GRIN2B: variants seen among roughly 807,000 people sequenced by gnomAD.
GRIN2B encodes glutamate receptor ionotropic, NMDA 2B.
A neutral mutation model predicts 114.5 loss-of-function variants in GRIN2B; 5 were observed. That is an observed-to-expected ratio of 0.04 (90% CI 0.02 to 0.09). GRIN2B has a LOEUF of 0.09. GRIN2B is among the 10% of genes least tolerant of loss of function. The pLI, the probability that GRIN2B is intolerant of heterozygous loss-of-function variation, is 1.00. For synonymous variants in GRIN2B, 787 were observed against 745.1 expected (o/e 1.06, Z -0.92); for missense variants, 1,108 against 1,943.5 (o/e 0.57, Z 8.08).
At chr12:13,972,800 G>C (rs1421106) in intron 2 of GRIN2B, among the ~76,000 whole-genome samples, 1 of 152,112 alleles carries the variant, frequency 6.6e-6, no homozygotes, top group Non-Finnish European at 1.5e-5. Flanking sequence ...GCCACACACA[G>C]AGACCACATG....
chr12:13,834,061 C>T (rs1273123950), intron 3 of GRIN2B, among the ~76,000 whole-genome samples: 5 of 121,760 alleles, frequency 4.1e-5, no homozygotes, highest in South Asian at 2.7e-4. Flanking sequence ...GACGGAGTCT[C>T]GCACTGTCTC....
chr12:13,628,665 A>G (rs926908572), intron 5 of GRIN2B, among the ~76,000 whole-genome samples: 1 of 152,224 alleles, frequency 6.6e-6, no homozygotes, highest in Non-Finnish European at 1.5e-5. Context: ...ACATCATCAG[A>G]TGAGACTGCA....
chr12:13,574,907 G>A (rs1317072376), intron 10 of GRIN2B, among the ~76,000 whole-genome samples: 2 of 152,194 alleles, frequency 1.3e-5, no homozygotes, highest in Non-Finnish European at 2.9e-5. Context: ...ACAGGATAGA[G>A]TGCCCACTAA....
intron 2 of GRIN2B, among the ~76,000 whole-genome samples, chr12:13,883,492 A>G (rs1866100201): frequency 6.6e-6 from 1 of 150,840 alleles, no homozygotes; most frequent in African/African-American, 2.4e-5. Context: ...AATTTCATTC[A>G]TTTTACTTGG....
At chr12:13,758,528 A>G (rs1341116722) in intron 3 of GRIN2B, among the ~76,000 whole-genome samples, 1 of 152,236 alleles carries the variant, frequency 6.6e-6, no homozygotes, top group African/African-American at 2.4e-5. Flanking sequence ...AATATAAGAA[A>G]TGCATTTGCA....
intron 2 of GRIN2B, among the ~76,000 whole-genome samples, chr12:13,881,007 TGTGTGTGC>T (rs1229620882): frequency 1.9e-3 from 285 of 149,536 alleles, no homozygotes; most frequent in African/African-American, 6.5e-3. Context: ...TGTGTGTGTG[TGTGTGTGC>T]GCGTGCGCGC....
chr12:13,920,987 C>G (rs909112090), intron 2 of GRIN2B, among the ~76,000 whole-genome samples: 2 of 152,136 alleles, frequency 1.3e-5, no homozygotes, highest in African/African-American at 4.8e-5. Context: ...ATGTAAAACC[C>G]TAACAAAGCA....
At chr12:13,629,686 T>TTTCCTCTCTCTC (rs1949601273) in intron 5 of GRIN2B, among the ~76,000 whole-genome samples, 1 of 152,178 alleles carries the variant, frequency 6.6e-6, no homozygotes, top group African/African-American at 2.4e-5. Flanking sequence ...CCCTCTCTCT[T>TTTCCTCTCTCTC]TTCCTCTCTC....
intron 3 of GRIN2B, among the ~76,000 whole-genome samples, chr12:13,776,328 A>ATCC (rs1445224550): frequency 6.6e-6 from 1 of 152,168 alleles, no homozygotes; most frequent in African/African-American, 2.4e-5. Flanking sequence ...GCTGGGCTTA[A>ATCC]TCCCTAGGTG....
chr12:13,883,234 T>C (rs1453096056), intron 2 of GRIN2B, among the ~76,000 whole-genome samples: 1 of 152,198 alleles, frequency 6.6e-6, no homozygotes, highest in Non-Finnish European at 1.5e-5. Context: ...TGGTCTGTAG[T>C]GTGGATATAT....
chr12:13,865,786 G>GC lies in GRIN2B; in HGVS notation c.411+11dup. On this transcript the variant is annotated intron_variant, in intron 3 of 13. Coordinates refer to ENST00000609686, the MANE Select transcript of GRIN2B (RefSeq NM_000834.5). ...AAACCCTCAGGCCCTTCTCCCTGCA[G>GC]CCCCTTTTTACCTTATCTGCCATTA... The GC allele has an allele frequency of 6.2e-7, 1 of 1,606,312 alleles. No individual in the cohort carries two copies. The highest frequency in any genetic ancestry group is 8.5e-7 in the Non-Finnish European group (1 of 1,173,228).
intron 5 of GRIN2B, among the ~76,000 whole-genome samples, chr12:13,665,881 T>C (rs564449630): frequency 8.5e-4 from 130 of 152,316 alleles, no homozygotes; most frequent in Non-Finnish European, 1.6e-3. Flanking sequence ...ATAAAGAGAA[T>C]GCTGAGGTGC....
intron 12 of GRIN2B, 104 bp from the exon 13 acceptor site, chr12:13,567,367 G>T: frequency 1.3e-6 from 1 of 752,824 alleles, no homozygotes; most frequent in South Asian, 1.6e-5. Context: ...AAAGATACGT[G>T]ACAGAAAAAG....
intron 13 of GRIN2B, among the ~76,000 whole-genome samples, chr12:13,565,702 C>T (rs1249254606): frequency 3.9e-5 from 6 of 151,954 alleles, no homozygotes; most frequent in Admixed American, 6.6e-5. Flanking sequence ...TTATAATGAA[C>T]GGGACTAATT....
chr12:13,757,464 C>T (rs1863596267), intron 3 of GRIN2B, among the ~76,000 whole-genome samples: 1 of 152,104 alleles, frequency 6.6e-6, no homozygotes, highest in Admixed American at 6.5e-5. Context: ...TGCAGGCACC[C>T]AGCATGCACT....
Position 13,860,486 on chromosome 12 carries a change from G to A in GRIN2B, c.411+5312C>T, listed in dbSNP as rs150781841. Among the ~76,000 whole-genome samples, 675 of 152,064 alleles carry A rather than the reference G, an allele frequency of 4.4e-3. 2 individuals are homozygous for A. The highest frequency in any genetic ancestry group is 0.012 in the South Asian group (56 of 4,800). ...TGTGATTACAGGTGTGCGTCACCACGCCCAATTTTTGTATTTTTAATAGAC... is the reference window on the plus strand; with the variant it reads ...TGTGATTACAGGTGTGCGTCACCACACCCAATTTTTGTATTTTTAATAGAC... On this transcript the variant is annotated intron_variant, in intron 3 of 13. Coordinates refer to ENST00000609686, the MANE Select transcript of GRIN2B (RefSeq NM_000834.5).
chr12:13,929,197 A>G (rs1174345376), intron 2 of GRIN2B, among the ~76,000 whole-genome samples: 2 of 152,242 alleles, frequency 1.3e-5, no homozygotes, highest in Non-Finnish European at 2.9e-5. Flanking sequence ...ATTATGCAGA[A>G]TAAAAAGATA....
intron 2 of GRIN2B, among the ~76,000 whole-genome samples, chr12:13,889,673 T>C (rs190258797): frequency 2.6e-5 from 4 of 152,272 alleles, no homozygotes; most frequent in East Asian, 1.9e-4. Context: ...CCCAAGACCA[T>C]GCCAAACTCA....
At chr12:13,641,418 T>A (rs1949714635) in intron 5 of GRIN2B, among the ~76,000 whole-genome samples, 1 of 152,136 alleles carries the variant, frequency 6.6e-6, no homozygotes, top group Non-Finnish European at 1.5e-5. Flanking sequence ...TATCTTTGGG[T>A]AGCTCTCAGC....
Sources: gnomAD v4.1 joint callset for allele counts (sites outside exome capture counted in the v4.1 genomes callset) on GRCh38, gnomAD v4.1.1 for gene constraint, MANE v1.5 for transcripts, NCBI Gene and HGNC (gene_info 2026-07-23, HGNC 2026-07-21) for gene names.